AGBL1: variants seen among roughly 807,000 people sequenced by gnomAD.
AGBL1 encodes the protein cytosolic carboxypeptidase 4.
In AGBL1, 130 loss-of-function variants were observed where a neutral mutation model predicts 118.9. The observed-to-expected ratio is 1.09, with a 90% CI of 0.95 to 1.26. AGBL1 has a LOEUF of 1.26. Among genes scored for constraint, AGBL1 ranks in the 50% most tolerant of loss-of-function variants. The probability of loss-of-function intolerance (pLI) is 0.00; values close to 1 mark genes in which losing one functional copy is unlikely to be tolerated. For missense variants in AGBL1, 1,584 were observed against 1,298.1 expected (o/e 1.22, Z -3.38); for synonymous variants, 555 against 478.9 (o/e 1.16, Z -2.08).
chr15:86,731,699 C>A (rs80080043), intron 22 of AGBL1, among the ~76,000 whole-genome samples: 15 of 152,186 alleles, frequency 9.9e-5, no homozygotes, highest in Non-Finnish European at 1.9e-4. Flanking sequence ...TCTCCACCAA[C>A]CAGACTGACT....
intron 22 of AGBL1, among the ~76,000 whole-genome samples, chr15:86,878,437 G>C (rs1292794439): frequency 6.6e-6 from 1 of 152,064 alleles, no homozygotes; most frequent in Non-Finnish European, 1.5e-5. Context: ...ACCTGTTCTG[G>C]AGAAAAATAC....
intron 18 of AGBL1, among the ~76,000 whole-genome samples, chr15:86,493,988 A>G (rs957107984): frequency 1.4e-4 from 22 of 151,848 alleles, no homozygotes; most frequent in Admixed American, 5.9e-4. Context: ...TGGAGCCACA[A>G]ATCTCTTTCC....
At chr15:86,521,958 T>C (rs530930464) in intron 18 of AGBL1, among the ~76,000 whole-genome samples, 2 of 152,240 alleles carry the variant, frequency 1.3e-5, no homozygotes, top group South Asian at 2.1e-4. Flanking sequence ...TTAGCAGGAC[T>C]ACTGGGAATG....
At chr15:86,196,508 A>G (rs1482017180) in intron 5 of AGBL1, among the ~76,000 whole-genome samples, 1 of 152,156 alleles carries the variant, frequency 6.6e-6, no homozygotes, top group Non-Finnish European at 1.5e-5. Context: ...CCTTATTCCT[A>G]CATCAATCAA....
chr15:86,196,069 T>G (rs1394977073), intron 5 of AGBL1, among the ~76,000 whole-genome samples: 1 of 152,248 alleles, frequency 6.6e-6, no homozygotes, highest in Non-Finnish European at 1.5e-5. Flanking sequence ...CATACTAATA[T>G]ATGTTGTACA....
intron 5 of AGBL1, among the ~76,000 whole-genome samples, chr15:86,195,164 T>C (rs1038015636): frequency 1.3e-5 from 2 of 152,180 alleles, no homozygotes; most frequent in Admixed American, 6.5e-5. Context: ...GAAAAAGATA[T>C]GGTCTCTGTC....
At chr15:86,186,561 A>G (rs2077636260) in intron 5 of AGBL1, among the ~76,000 whole-genome samples, 1 of 152,140 alleles carries the variant, frequency 6.6e-6, no homozygotes, top group Non-Finnish European at 1.5e-5. Flanking sequence ...GTGAGGGCAA[A>G]CCTGCTGCAG....
At chr15:86,267,575 AG>A (rs147411047) in intron 13 of AGBL1, among the ~76,000 whole-genome samples, 1,646 of 152,272 alleles carry the variant, frequency 0.011, 34 homozygotes, top group African/African-American at 0.038. Flanking sequence ...CCTGCATTCA[AG>A]GGAAGATGCA....
chr15:86,464,740 G>T (rs576871634), intron 18 of AGBL1, among the ~76,000 whole-genome samples: 2 of 152,110 alleles, frequency 1.3e-5, no homozygotes, highest in Non-Finnish European at 2.9e-5. Context: ...GATGGATTAC[G>T]TTTATTGATT....
chr15:86,340,977 T>A (rs2080452978), intron 17 of AGBL1, among the ~76,000 whole-genome samples: 1 of 152,182 alleles, frequency 6.6e-6, no homozygotes, highest in South Asian at 2.1e-4. Flanking sequence ...TGAAAGTCCC[T>A]ACTCTCACTA....
At chr15:86,980,884 C>T (rs1469539690) in intron 23 of AGBL1, among the ~76,000 whole-genome samples, 3 of 121,516 alleles carry the variant, frequency 2.5e-5, no homozygotes, top group African/African-American at 1.0e-4. Context: ...TCAGAAACAT[C>T]CTTTTTTTTT....
intron 17 of AGBL1, among the ~76,000 whole-genome samples, chr15:86,331,259 T>A (rs1321225297): frequency 8.0e-5 from 12 of 149,734 alleles, no homozygotes; most frequent in Non-Finnish European, 1.2e-4. Context: ...CTGAGAAATA[T>A]GGAATTATGT....
chr15:86,971,898 G>A (rs186636899), intron 23 of AGBL1, among the ~76,000 whole-genome samples: 2 of 151,934 alleles, frequency 1.3e-5, no homozygotes, highest in African/African-American at 4.8e-5. Flanking sequence ...GTTCTCAGGA[G>A]ATCTAATGGT....
intron 13 of AGBL1, among the ~76,000 whole-genome samples, chr15:86,268,724 G>A (rs1021859611): frequency 1.3e-5 from 2 of 152,182 alleles, no homozygotes; most frequent in South Asian, 4.1e-4. Context: ...TGTGTCATGT[G>A]TTGTGTGGTG....
intron 19 of AGBL1, among the ~76,000 whole-genome samples, chr15:86,526,222 G>C (rs2083260303): frequency 2.0e-5 from 3 of 151,884 alleles, no homozygotes; most frequent in African/African-American, 7.2e-5. Flanking sequence ...AACAGATGTA[G>C]GCATGGATGC....
intron 22 of AGBL1, among the ~76,000 whole-genome samples, chr15:86,732,058 T>C (rs1045543648): frequency 6.6e-6 from 1 of 152,230 alleles, no homozygotes; most frequent in African/African-American, 2.4e-5. Flanking sequence ...ATGTTACTGT[T>C]ATCCCCATTT....
At chr15:86,458,318 G>A (rs1049599379) in intron 18 of AGBL1, among the ~76,000 whole-genome samples, 1 of 152,000 alleles carries the variant, frequency 6.6e-6, no homozygotes, top group African/African-American at 2.4e-5. Flanking sequence ...GATATATTAT[G>A]CCATATGTAG....
At chr15:86,563,727 G>A (rs1478835539) in intron 21 of AGBL1, among the ~76,000 whole-genome samples, 1 of 151,010 alleles carries the variant, frequency 6.6e-6, no homozygotes, top group Non-Finnish European at 1.5e-5. Flanking sequence ...TGTTGACAGT[G>A]GGGTGTTAAA....
chr15:86,219,797 G>T (rs1035977845), intron 5 of AGBL1, among the ~76,000 whole-genome samples: 2 of 151,962 alleles, frequency 1.3e-5, no homozygotes, highest in African/African-American at 2.4e-5. Context: ...CTAACCTTTT[G>T]ATCTCCACAA....
Sources: gnomAD v4.1 joint callset for allele counts (sites outside exome capture counted in the v4.1 genomes callset) on GRCh38, gnomAD v4.1.1 for gene constraint, MANE v1.5 for transcripts, NCBI Gene and HGNC (gene_info 2026-07-23, HGNC 2026-07-21) for gene names.